The following MAST2 variants were observed in gnomAD, a reference collection of about 807,000 sequenced individuals.
The protein encoded by MAST2 is microtubule-associated serine/threonine-protein kinase 2.
In MAST2, 70 loss-of-function variants were observed where a neutral mutation model predicts 147.4. That is an observed-to-expected ratio of 0.47 (90% confidence interval 0.39 to 0.58). The LOEUF (loss-of-function observed/expected upper bound fraction) is 0.58, where lower values mean the gene tolerates loss of function less well. MAST2 is among the 20% of genes least tolerant of loss of function. MAST2 has a pLI of 0.00. For missense variants in MAST2, 2,080 were observed against 2,302.3 expected (o/e 0.90, Z 1.98); for synonymous variants, 869 against 896.8 (o/e 0.97, Z 0.55).
intron 5 of MAST2, among the ~76,000 whole-genome samples, chr1:45,984,854 G>A (rs1480089336): frequency 6.6e-6 from 1 of 151,148 alleles, no homozygotes; most frequent in East Asian, 1.9e-4. Context: ...CCCTGTCTCA[G>A]AAAAAAAATC....
chr1:45,874,646 A>G (rs1269717049), intron 3 of MAST2, among the ~76,000 whole-genome samples: 2 of 152,212 alleles, frequency 1.3e-5, no homozygotes, highest in Non-Finnish European at 2.9e-5. Flanking sequence ...TACTTGATGG[A>G]TTCATAGATT....
At chr1:45,882,227 A>T (rs1646885477) in intron 3 of MAST2, 137 bp from the exon 4 acceptor site, 5 of 566,256 alleles carry the variant, frequency 8.8e-6, no homozygotes, top group Non-Finnish European at 3.1e-6. Context: ...TTAAGAGGCA[A>T]AGAAAAAGTT....
intron 3 of MAST2, among the ~76,000 whole-genome samples, chr1:45,844,450 T>G (rs1400253670): frequency 6.6e-6 from 1 of 151,992 alleles, no homozygotes; most frequent in Non-Finnish European, 1.5e-5. Context: ...GCCCAGCTAA[T>G]TTTTTGTATT....
intron 4 of MAST2, among the ~76,000 whole-genome samples, chr1:45,952,948 C>T (rs1006993209): frequency 6.6e-6 from 1 of 152,050 alleles, no homozygotes; most frequent in South Asian, 2.1e-4. Context: ...TCTAAGCAAG[C>T]AATTATTGTA....
intron 3 of MAST2, among the ~76,000 whole-genome samples, chr1:45,858,323 T>G (rs1191280286): frequency 6.6e-6 from 1 of 152,190 alleles, no homozygotes; most frequent in East Asian, 1.9e-4. Flanking sequence ...AATGAGATGG[T>G]ATCTCATTGT....
chr1:45,927,492 A>G (rs1654573315), intron 4 of MAST2, among the ~76,000 whole-genome samples: 1 of 152,198 alleles, frequency 6.6e-6, no homozygotes, highest in African/African-American at 2.4e-5. Flanking sequence ...GGGACGTTCC[A>G]TGCTGAGAAT....
At chr1:45,865,683 A>G (rs1364253178) in intron 3 of MAST2, among the ~76,000 whole-genome samples, 1 of 152,182 alleles carries the variant, frequency 6.6e-6, no homozygotes, top group Non-Finnish European at 1.5e-5. Context: ...AATCATAGGT[A>G]GTTTGTTAGA....
At chr1:45,923,244 C>T (rs4072835) in intron 4 of MAST2, among the ~76,000 whole-genome samples, 2,092 of 152,240 alleles carry the variant, frequency 0.014, 25 homozygotes, top group Middle Eastern at 0.031. Flanking sequence ...AGGGGGGCTT[C>T]CAAAGGAGGG....
At position 46,002,875 on chromosome 1, in the gene MAST2, A is replaced by T; in HGVS notation, c.739A>T (p.Thr247Ser). 6.2e-7 allele frequency: 1 copy of T among 1,614,074 alleles called. No homozygotes were observed. The highest frequency in any genetic ancestry group is 8.5e-7 in the Non-Finnish European group (1 of 1,179,950). ...ATATGGAACTAACACTCCTAGCTCC[A>T]CTGTCTCAGTAAGTAGCCAAATCTG... ...SGYGTNTPSS[T>S]VSSSCSSQEK... is the part of the protein sequence containing the mutation. The change falls in exon 7 of 29, where the codon ACT becomes TCT. Residue 247 changes from threonine to serine, a missense_variant. Around this residue, in one of 4 missense-constraint regions of MAST2, gnomAD observed 569 missense variants for 642.5 expected, o/e 0.89. Transcript: ENST00000361297.
At chr1:45,907,933 TATTGGC>T (rs1651044045) in intron 4 of MAST2, among the ~76,000 whole-genome samples, 1 of 152,188 alleles carries the variant, frequency 6.6e-6, no homozygotes, top group African/African-American at 2.4e-5. Context: ...TTATAGAATG[TATTGGC>T]ATAAATTGTT....
intron 11 of MAST2, among the ~76,000 whole-genome samples, chr1:46,021,465 G>A (rs1387229028): frequency 6.6e-6 from 1 of 152,238 alleles, no homozygotes; most frequent in Non-Finnish European, 1.5e-5. Flanking sequence ...CAGTTATTAT[G>A]TGCAGACAAG....
chr1:45,963,776 T>G (rs1660777426), intron 5 of MAST2, among the ~76,000 whole-genome samples: 1 of 152,214 alleles, frequency 6.6e-6, no homozygotes, highest in South Asian at 2.1e-4. Flanking sequence ...CTGATTGCCC[T>G]GGCCAGAACT....
chr1:45,822,284 A>G (rs1644661990), intron 1 of MAST2, among the ~76,000 whole-genome samples: 1 of 152,186 alleles, frequency 6.6e-6, no homozygotes, highest in Admixed American at 6.5e-5. Flanking sequence ...CTTTTCTAAA[A>G]TGAGTAATGT....
chr1:46,029,564 ACAGGTAGGG>A lies in MAST2; in HGVS notation c.2320+2_2320+10del, dbSNP rs748433138. 2 of 1,613,848 alleles carry A rather than the reference ACAGGTAGGG, an allele frequency of 1.2e-6. No homozygotes were observed. Among genetic ancestry groups the A allele is most frequent in the Non-Finnish European group, 1.7e-6 (2 of 1,179,876 alleles). On this transcript the variant is annotated splice_donor_variant and splice_donor_5th_base_variant and coding_sequence_variant and intron_variant, in exon 19 of 29. Coordinates refer to ENST00000361297, the MANE Select transcript of MAST2 (RefSeq NM_015112.3). LOFTEE classifies it high-confidence loss of function. Reference sequence around the variant, plus strand: ...CCAGAACCCTCTGGAGAGACTTGGCACAGGTAGGGCAGGCCCTGCTAACTTTTCTCACTA... The same window carrying A: ...CCAGAACCCTCTGGAGAGACTTGGCACAGGCCCTGCTAACTTTTCTCACTA...
intron 1 of MAST2, among the ~76,000 whole-genome samples, chr1:45,813,136 T>G (rs1177481781): frequency 2.0e-5 from 3 of 152,270 alleles, no homozygotes; most frequent in African/African-American, 4.8e-5. Context: ...TATAATACAA[T>G]GTAAATGCTA....
chr1:45,932,910 C>T (rs939889417), intron 4 of MAST2, among the ~76,000 whole-genome samples: 1 of 151,842 alleles, frequency 6.6e-6, no homozygotes, highest in Non-Finnish European at 1.5e-5. Flanking sequence ...CCCTCACTAG[C>T]CCTTGAGCTT....
chr1:45,941,250 T>G (rs1657216866), intron 4 of MAST2, among the ~76,000 whole-genome samples: 1 of 152,100 alleles, frequency 6.6e-6, no homozygotes, highest in African/African-American at 2.4e-5. Flanking sequence ...GGTGTTTTTG[T>G]TTTTTTATTT....
chr1:45,953,997 T>C (rs1208145943), intron 4 of MAST2, among the ~76,000 whole-genome samples: 1 of 152,200 alleles, frequency 6.6e-6, no homozygotes, highest in African/African-American at 2.4e-5. Flanking sequence ...TATTATAGCA[T>C]CTGGAAGTGC....
At chr1:46,006,505 A>G in intron 8 of MAST2, 110 bp downstream of exon 8, 1 of 1,004,594 alleles carries the variant, frequency 1.0e-6, no homozygotes, top group East Asian at 2.6e-5. Flanking sequence ...AAATATTTTT[A>G]GGCTTTATAG....
Sources: gnomAD v4.1 joint callset for allele counts (sites outside exome capture counted in the v4.1 genomes callset) on GRCh38, gnomAD v4.1.1 for gene constraint, gnomAD v4.1.1 regional missense constraint, MANE v1.5 for transcripts, NCBI Gene and HGNC (gene_info 2026-07-23, HGNC 2026-07-21) for gene names.